Variants in TAF1 observed in about 807,000 individuals in gnomAD.
The protein encoded by TAF1 is TATA-box binding protein associated factor 1, also known as transcription initiation factor TFIID subunit 1.
Under a neutral mutation model 138.5 loss-of-function variants are expected in TAF1, and 2 were observed. The observed-to-expected ratio is 0.01, with a 90% CI of 0.01 to 0.05. The LOEUF is 0.05. Ranked by LOEUF, TAF1 falls within the 10% of genes least tolerant of loss-of-function variation. TAF1 has a pLI of 1.00. For missense variants in TAF1, 709 were observed against 1,478.0 expected (o/e 0.48, Z 8.53); for synonymous variants, 437 against 503.2 (o/e 0.87, Z 1.76).
intron 32 of TAF1, among the ~76,000 whole-genome samples, chrX:71,428,887 ACAC>A (rs1414434002): frequency 8.9e-6 from 1 of 112,208 alleles, no homozygotes; most frequent in Non-Finnish European, 1.9e-5. Context: ...GGAAGGAAAC[ACAC>A]CAGAGTGATA....
intron 25 of TAF1, among the ~76,000 whole-genome samples, chrX:71,404,028 C>T (rs1005524028): frequency 9.5e-6 from 1 of 105,640 alleles, no homozygotes; most frequent in African/African-American, 3.5e-5. Flanking sequence ...GGCTGGAGTG[C>T]GGTGGCGCAA....
chrX:71,471,101 A>G (rs2038875722), intron 13 of TAF1, among the ~76,000 whole-genome samples: 1 of 108,456 alleles, frequency 9.2e-6, no homozygotes, highest in African/African-American at 3.4e-5. Context: ...GAGAATCACG[A>G]TGTCAAGAGA....
intron 28 of TAF1, chrX:71,420,384 TCA>T: frequency 1.7e-6 from 2 of 1,209,863 alleles, no homozygotes; most frequent in Non-Finnish European, 2.2e-6. Flanking sequence ...ACTAAATTTG[TCA>T]CAGAGTATGG....
At chrX:71,403,434 A>G (rs1432400433) in intron 25 of TAF1, among the ~76,000 whole-genome samples, 2 of 112,182 alleles carry the variant, frequency 1.8e-5, no homozygotes, top group African/African-American at 6.5e-5. Flanking sequence ...TCAGATTCCA[A>G]TTAAATGTTG....
intron 32 of TAF1, among the ~76,000 whole-genome samples, chrX:71,449,930 G>A (rs1273997432): frequency 4.5e-5 from 5 of 110,899 alleles, no homozygotes; most frequent in African/African-American, 1.3e-4. Context: ...ACACCACAAC[G>A]CCCAGCTAAT....
chrX:71,490,538 C>T (rs780403977), intron 13 of TAF1, among the ~76,000 whole-genome samples: 4 of 106,503 alleles, frequency 3.8e-5, no homozygotes, highest in Non-Finnish European at 7.7e-5. Context: ...GCCATTCTCC[C>T]GCTTCAGCCT....
At chrX:71,388,707 G>A (rs1389908696) in intron 16 of TAF1, 31 bp from the exon 17 acceptor site, 1 of 1,207,027 alleles carries the variant, frequency 8.3e-7, no homozygotes, top group African/African-American at 1.8e-5. Context: ...ATTCAGAATG[G>A]TCTCATTCTC....
chrX:71,366,606 G>A, intron 1 of TAF1, 112 bp downstream of exon 1: 1 of 808,347 alleles, frequency 1.2e-6, no homozygotes, highest in East Asian at 3.5e-5. Context: ...CGCAGCTAAC[G>A]CCGGGGAGGA....
At chrX:71,457,085 T>A (rs2038340645) in intron 34 of TAF1, among the ~76,000 whole-genome samples, 2 of 112,386 alleles carry the variant, frequency 1.8e-5, no homozygotes, top group African/African-American at 6.5e-5. Context: ...CGTAGGGTTT[T>A]GCAGAAATTT....
rs1316811047 is a variant in TAF1 at position 71,450,520 on chromosome X, C to T, written c.4754-3650C>T. On this transcript the variant is annotated intron_variant, in intron 32 of 37. Coordinates refer to ENST00000423759, the MANE Select transcript of TAF1 (RefSeq NM_004606.5). ...GCCTGGCCTGTGGTATATTTTTTAT[C>T]CTTTATATCCTGATAAAACAGTAGG... 2.5e-4 allele frequency among the ~76,000 whole-genome samples: 28 copies of T among 112,329 alleles called. No homozygotes were observed. The Admixed American group carries it at 2.7e-3, about 11-fold the overall frequency.
chrX:71,508,082 C>CTATATATA (rs1418464171), intron 13 of TAF1, among the ~76,000 whole-genome samples: 1 of 95,811 alleles, frequency 1.0e-5, no homozygotes, highest in South Asian at 4.8e-4. Flanking sequence ...CTCTCTCTCT[C>CTATATATA]TCTCTATATA....
chrX:71,406,501 G>T, intron 25 of TAF1, 137 bp from the exon 26 acceptor site: 1 of 513,849 alleles, frequency 1.9e-6, no homozygotes. Flanking sequence ...GAAGGTGGAT[G>T]TTTGGCCTTT....
At chrX:71,393,224 TTGTGTGTGTGTGTGTGTGTGTGTG>T (rs201372159) in intron 20 of TAF1, 53 bp from the exon 21 acceptor site, 24 of 955,835 alleles carry the variant, frequency 2.5e-5, no homozygotes, top group South Asian at 1.6e-4. Context: ...CCTGAATGAT[TTGTGTGTGTGTGTGTGTGTGTGTG>T]TGTGTGTGTG....
intron 13 of TAF1, among the ~76,000 whole-genome samples, chrX:71,519,761 T>C (rs1202294273): frequency 8.9e-6 from 1 of 112,565 alleles, no homozygotes; most frequent in Non-Finnish European, 1.9e-5. Flanking sequence ...ATTTTAGAAA[T>C]TTATTTATGG....
intron 28 of TAF1, among the ~76,000 whole-genome samples, chrX:71,409,074 G>A (rs886480982): frequency 2.7e-5 from 3 of 110,874 alleles, no homozygotes; most frequent in Non-Finnish European, 3.8e-5. Context: ...TAGAGTATGC[G>A]CTTGTGACCA....
chrX:71,489,658 A>G (rs1174862808), intron 13 of TAF1, among the ~76,000 whole-genome samples: 1 of 108,952 alleles, frequency 9.2e-6, no homozygotes, highest in Non-Finnish European at 1.9e-5. Flanking sequence ...ACTGGGCAAC[A>G]AGAATGAAAC....
intron 34 of TAF1, among the ~76,000 whole-genome samples, chrX:71,455,344 T>G (rs922154210): frequency 8.9e-6 from 1 of 111,827 alleles, no homozygotes; most frequent in Non-Finnish European, 1.9e-5. Context: ...AAAGGTAGTA[T>G]TAATAATGTT....
At chrX:71,513,970 G>A (rs1202891902) in intron 13 of TAF1, among the ~76,000 whole-genome samples, 1 of 111,478 alleles carries the variant, frequency 9.0e-6, no homozygotes, top group African/African-American at 3.3e-5. Flanking sequence ...ACAAATAAGG[G>A]AATAAAAGCT....
Position 71,448,820 on chromosome X carries a change from C to CT in TAF1, c.4754-5335dup, listed in dbSNP as rs760089481. ...TTGTTTTCTTTTTCTTTTTCTTTTT[C>CT]TTTTTTTTTTTTTTTGAGACGGAGT... On this transcript the variant is annotated intron_variant, in intron 32 of 37. Coordinates refer to ENST00000423759, the MANE Select transcript of TAF1 (RefSeq NM_004606.5). 2.3e-3 allele frequency among the ~76,000 whole-genome samples: 208 copies of CT among 92,355 alleles called. 1 individual carries two copies. Among genetic ancestry groups the CT allele is most frequent in the East Asian group, 4.9e-3 (15 of 3,050 alleles). 80.2% of individuals were successfully genotyped at this position (92,355 alleles called of 115,157 possible).
Sources: gnomAD v4.1 joint callset for allele counts (sites outside exome capture counted in the v4.1 genomes callset) on GRCh38, gnomAD v4.1.1 for gene constraint, MANE v1.5 for transcripts, NCBI Gene and HGNC (gene_info 2026-07-23, HGNC 2026-07-21) for gene names.